Variants in GABRG3 observed in about 807,000 individuals in gnomAD.
GABRG3 encodes the protein gamma-aminobutyric acid type A receptor subunit gamma3.
In GABRG3, 25 loss-of-function variants were observed where a neutral mutation model predicts 48.8. The ratio of observed to expected loss-of-function variants is 0.51; its 90% CI spans 0.37 to 0.72. GABRG3 has a LOEUF of 0.72. Among genes scored for constraint, GABRG3 ranks in the 30% least tolerant of loss-of-function variants. The probability of loss-of-function intolerance (pLI) is 0.00; values close to 1 mark genes in which losing one functional copy is unlikely to be tolerated. For synonymous variants in GABRG3, 227 were observed against 217.6 expected (o/e 1.04, Z -0.38); for missense variants, 394 against 577.9 (o/e 0.68, Z 3.26).
At position 27,535,838 on chromosome 15, in the gene GABRG3, T is replaced by C. The variant is rs751866182; in HGVS notation, c.*2957T>C. ...TTCTAGAGGAAGGAGAGGAGCAGTG[T>C]GGGGAGAGTGGGAAGGAAGTACGCT... On this transcript the variant is annotated 3_prime_UTR_variant, in exon 10 of 10. Transcript: ENST00000615808. 6.6e-6 allele frequency: 1 copy of C among 152,242 alleles called. No individual in the cohort carries two copies. Among genetic ancestry groups the C allele is most frequent in the Non-Finnish European group, 1.5e-5 (1 of 68,094 alleles). 9.4% of individuals were successfully genotyped at this position (152,242 alleles called of 1,614,324 possible).
chr15:27,494,582 T>C (rs1326105085), intron 6 of GABRG3, among the ~76,000 whole-genome samples: 1 of 152,218 alleles, frequency 6.6e-6, no homozygotes, highest in African/African-American at 2.4e-5. Context: ...GTTTGTCGTT[T>C]CCTATAAATT....
At chr15:27,059,128 C>A (rs560255611) in intron 3 of GABRG3, among the ~76,000 whole-genome samples, 5 of 152,308 alleles carry the variant, frequency 3.3e-5, no homozygotes, top group Admixed American at 3.3e-4. Context: ...GTGCCCTCTG[C>A]CATTCAGGGA....
At chr15:27,107,497 C>T (rs751814517) in intron 3 of GABRG3, among the ~76,000 whole-genome samples, 13 of 151,732 alleles carry the variant, frequency 8.6e-5, no homozygotes, top group Non-Finnish European at 1.3e-4. Flanking sequence ...CTCTAGTTTT[C>T]TTTTTTTGTA....
chr15:27,224,135 C>A (rs1041912467), intron 3 of GABRG3, among the ~76,000 whole-genome samples: 1 of 152,224 alleles, frequency 6.6e-6, no homozygotes, highest in African/African-American at 2.4e-5. Context: ...ACTTCCCGGG[C>A]TGCTCCCTGC....
At chr15:27,153,022 G>A (rs761608132) in intron 3 of GABRG3, among the ~76,000 whole-genome samples, 28 of 152,076 alleles carry the variant, frequency 1.8e-4, no homozygotes, top group Non-Finnish European at 3.5e-4. Flanking sequence ...CACCACTCCC[G>A]GCTAATTTTT....
At chr15:27,122,362 C>G (rs1449027782) in intron 3 of GABRG3, among the ~76,000 whole-genome samples, 2 of 152,194 alleles carry the variant, frequency 1.3e-5, no homozygotes, top group African/African-American at 4.8e-5. Context: ...GATTATCAGA[C>G]CAACCCTGTG....
At chr15:27,482,585 A>G (rs1225966345) in intron 6 of GABRG3, among the ~76,000 whole-genome samples, 1 of 152,218 alleles carries the variant, frequency 6.6e-6, no homozygotes, top group East Asian at 1.9e-4. Context: ...TTGTTTCTCA[A>G]TCTCCTAACT....
intron 3 of GABRG3, among the ~76,000 whole-genome samples, chr15:27,105,350 T>C (rs1250011761): frequency 6.6e-6 from 1 of 152,142 alleles, no homozygotes; most frequent in Non-Finnish European, 1.5e-5. Flanking sequence ...AAAGGTATAG[T>C]AGTATACACT....
rs890707618 is a variant in GABRG3 at position 27,307,943 on chromosome 15, A to G, written c.271-18866A>G. ...TATAAACATATGCTTGTATATAAAC[A>G]TATATGTAAAATAAACATGTTTATA... On this transcript the variant is annotated intron_variant, in intron 3 of 9. Coordinates refer to ENST00000615808, the MANE Select transcript of GABRG3 (RefSeq NM_033223.5). Among the ~76,000 whole-genome samples, 65 of 135,694 alleles carry G rather than the reference A, an allele frequency of 4.8e-4. 1 individual carries two copies. The highest frequency in any genetic ancestry group is 1.7e-3 in the African/African-American group (63 of 37,924). 89.0% of individuals were successfully genotyped at this position (135,694 alleles called of 152,430 possible). A position where few individuals can be genotyped will look rare whatever the true frequency, so the allele number is the denominator to read the frequency against.
chr15:27,347,216 C>G (rs1413865309), intron 5 of GABRG3, among the ~76,000 whole-genome samples: 1 of 152,206 alleles, frequency 6.6e-6, no homozygotes, highest in Non-Finnish European at 1.5e-5. Flanking sequence ...ATAGAGTCTG[C>G]ATCTTGCAGT....
intron 3 of GABRG3, among the ~76,000 whole-genome samples, chr15:27,285,409 A>C (rs1891579253): frequency 6.6e-6 from 1 of 151,516 alleles, no homozygotes; most frequent in South Asian, 2.1e-4. Context: ...AAGTCATTCA[A>C]CTCCCCTGAA....
At chr15:27,114,139 T>C (rs1353184384) in intron 3 of GABRG3, among the ~76,000 whole-genome samples, 5 of 152,234 alleles carry the variant, frequency 3.3e-5, no homozygotes, top group Non-Finnish European at 7.3e-5. Flanking sequence ...CAGTCTGTTA[T>C]AAAAGATGCT....
intron 3 of GABRG3, among the ~76,000 whole-genome samples, chr15:27,297,791 A>G (rs944165324): frequency 3.9e-5 from 6 of 152,176 alleles, no homozygotes. Flanking sequence ...CAATGTGTTG[A>G]GTTTGTAACA....
intron 5 of GABRG3, among the ~76,000 whole-genome samples, chr15:27,448,981 G>A (rs57501535): frequency 0.23 from 35,721 of 152,120 alleles, 6,373 homozygotes; most frequent in African/African-American, 0.48. Flanking sequence ...TTTACTATCA[G>A]TCTTTTAAGA....
intron 3 of GABRG3, among the ~76,000 whole-genome samples, chr15:27,033,041 T>C (rs911768958): frequency 6.6e-6 from 1 of 152,242 alleles, no homozygotes; most frequent in Middle Eastern, 3.2e-3. Flanking sequence ...ACCTCTTATG[T>C]TGTACAACTT....
intron 3 of GABRG3, among the ~76,000 whole-genome samples, chr15:27,167,348 C>T (rs1224551835): frequency 6.6e-6 from 1 of 152,184 alleles, no homozygotes; most frequent in Non-Finnish European, 1.5e-5. Flanking sequence ...TCTGCTGTAG[C>T]TCCCGTGAGA....
chr15:27,297,261 T>C (rs1170548639), intron 3 of GABRG3, among the ~76,000 whole-genome samples: 1 of 152,280 alleles, frequency 6.6e-6, no homozygotes, highest in East Asian at 1.9e-4. Flanking sequence ...AGGTTAATTA[T>C]TGAATAAATA....
intron 3 of GABRG3, among the ~76,000 whole-genome samples, chr15:27,320,294 G>A (rs557429525): frequency 4.0e-4 from 61 of 152,242 alleles, no homozygotes; most frequent in African/African-American, 1.1e-3. Context: ...ATTATCACCC[G>A]GCTAAGGGGA....
chr15:27,507,272 G>C (rs1389599889), intron 6 of GABRG3, among the ~76,000 whole-genome samples: 1 of 152,132 alleles, frequency 6.6e-6, no homozygotes, highest in Non-Finnish European at 1.5e-5. Flanking sequence ...TTCAGGCTGA[G>C]GCAGGTGAAC....
Sources: gnomAD v4.1 joint callset for allele counts (sites outside exome capture counted in the v4.1 genomes callset) on GRCh38, gnomAD v4.1.1 for gene constraint, MANE v1.5 for transcripts, NCBI Gene and HGNC (gene_info 2026-07-23, HGNC 2026-07-21) for gene names.